ZNF346: variants seen among roughly 807,000 people sequenced by gnomAD.
The protein encoded by ZNF346 is zinc finger protein 346.
Under a neutral mutation model 33.7 loss-of-function variants are expected in ZNF346, and 23 were observed. That is an observed-to-expected ratio of 0.68 (90% CI 0.49 to 0.97). ZNF346 has a LOEUF of 0.97. Ranked by LOEUF, ZNF346 falls within the 50% of genes least tolerant of loss-of-function variation. The probability of loss-of-function intolerance (pLI) is 0.00; values close to 1 mark genes in which losing one functional copy is unlikely to be tolerated. For synonymous variants in ZNF346, 134 were observed against 142.4 expected (o/e 0.94, Z 0.42); for missense variants, 340 against 371.1 (o/e 0.92, Z 0.69).
In ZNF346 at chr5:177,022,794, C is replaced by G. The variant is rs559738008; in HGVS notation, c.56C>G (p.Pro19Arg). 27 of 1,546,518 alleles carry G rather than the reference C, an allele frequency of 1.7e-5. No individual in the cohort carries two copies. The African/African-American group carries it at 3.3e-4, about 19-fold the overall frequency. ...GCCGCGGACGGCGGAGCGGCCGGGC[C>G]TTACAGCAGCTCGGAGTTGCTGGAG... ...VQAADGGAAG[P>R]YSSSELLEGQ... Residue 19 changes from proline to arginine, a missense_variant, in exon 1 of 7, where the codon CCT (proline) becomes CGT (arginine). Pro to Arg is a moderately radical substitution (Grantham distance 103). Coordinates refer to ENST00000358149, the MANE Select transcript of ZNF346 (RefSeq NM_012279.4).
intron 5 of ZNF346, 121 bp from the exon 6 acceptor site, chr5:177,061,937 C>T: frequency 1.3e-6 from 1 of 796,792 alleles, no homozygotes; most frequent in South Asian, 1.6e-5. Flanking sequence ...TCATCAGGGC[C>T]AGCAACCTCA....
chr5:177,044,365 A>T (rs1779758449), intron 3 of ZNF346, 24 bp from the exon 4 acceptor site: 1 of 1,613,580 alleles, frequency 6.2e-7, no homozygotes, highest in African/African-American at 1.3e-5. Context: ...GTATGATCAG[A>T]CCTGTGTTCT....
At chr5:177,029,203 G>A (rs1344484133) in intron 1 of ZNF346, among the ~76,000 whole-genome samples, 6 of 152,102 alleles carry the variant, frequency 3.9e-5, no homozygotes, top group African/African-American at 1.2e-4. Context: ...ATTGATCACC[G>A]ATAGCCAGTG....
chr5:177,056,528 A>G (rs914733959), intron 5 of ZNF346, among the ~76,000 whole-genome samples: 5 of 152,240 alleles, frequency 3.3e-5, no homozygotes, highest in Admixed American at 6.5e-5. Context: ...ATGTCCATCA[A>G]TGATAGACTG....
intron 1 of ZNF346, among the ~76,000 whole-genome samples, chr5:177,031,560 A>G (rs1214049020): frequency 1.3e-5 from 2 of 151,978 alleles, no homozygotes; most frequent in Non-Finnish European, 2.9e-5. Flanking sequence ...ACAGTTTGTG[A>G]TGTGTCTAGG....
At chr5:177,034,346 A>G (rs116786869) in intron 1 of ZNF346, among the ~76,000 whole-genome samples, 2,187 of 151,578 alleles carry the variant, frequency 0.014, 51 homozygotes, top group Middle Eastern at 0.027. Flanking sequence ...ACCTCAGCCT[A>G]CCAAGTAGCT....
At position 177,040,892 on chromosome 5, in the gene ZNF346, G is replaced by A. The variant is rs376922513; in HGVS notation, c.176-234G>A. Among the ~76,000 whole-genome samples the A allele has an allele frequency of 1.8e-3, 269 of 152,178 alleles. 4 individuals are homozygous for A. Among genetic ancestry groups the A allele is most frequent in the South Asian group, 7.5e-3 (36 of 4,822 alleles). ...ATGATCTAAAGATTCCTTTTTAAAAGAAGTTCCTAAGTAAAGAAAGTTGGC... is the reference window on the plus strand; with the variant it reads ...ATGATCTAAAGATTCCTTTTTAAAAAAAGTTCCTAAGTAAAGAAAGTTGGC... On this transcript the variant is annotated intron_variant, in intron 1 of 6. Transcript: ENST00000358149.
chr5:177,068,677 G>T (rs764753400), downstream of ZNF346, among the ~76,000 whole-genome samples: 18 of 143,194 alleles, frequency 1.3e-4, 1 homozygote, highest in Non-Finnish European at 2.4e-4. Context: ...CCTGGGTCAT[G>T]TGCCTAAAGC....
intron 5 of ZNF346, among the ~76,000 whole-genome samples, chr5:177,061,479 G>C (rs1465830270): frequency 1.3e-5 from 2 of 152,050 alleles, no homozygotes; most frequent in Non-Finnish European, 2.9e-5. Context: ...AGAAAGGAAA[G>C]GATCTAGCTA....
rs1781540595 is a variant in ZNF346, at chr5:177,055,423, G to T, written c.703+4487G>T. Among the ~76,000 whole-genome samples the T allele has an allele frequency of 2.6e-5, 4 of 152,110 alleles. No homozygotes were observed. In the South Asian group the frequency reaches 8.3e-4, roughly 32 times the overall value. The stretch of plus-strand genomic sequence containing the variant: ...CTTGAGAAAGTTACTTCATAAATGT[G>T]TGGAAACTGGAAATTGACTCTATAT... On this transcript the variant is annotated intron_variant, in intron 5 of 6. Coordinates refer to ENST00000358149, the MANE Select transcript of ZNF346 (RefSeq NM_012279.4).
exon 9 of ZNF346, chr5:177,080,255 G>A (rs916383044): frequency 6.6e-6 from 1 of 152,268 alleles, no homozygotes; most frequent in Non-Finnish European, 1.5e-5. Context: ...CTGAGGAGGG[G>A]TCATTCTCAC....
intron 1 of ZNF346, among the ~76,000 whole-genome samples, chr5:177,028,521 T>TATATATATA (rs56006820): frequency 8.1e-5 from 11 of 135,884 alleles, no homozygotes; most frequent in East Asian, 2.1e-4. Context: ...TATATATATA[T>TATATATATA]TTCCCTCCAT....
chr5:177,043,185 G>C (rs1779588478), intron 3 of ZNF346, among the ~76,000 whole-genome samples: 1 of 151,998 alleles, frequency 6.6e-6, no homozygotes, highest in East Asian at 1.9e-4. Context: ...TTTTCGTAGA[G>C]ACAGGGTCTC....
chr5:177,059,297 G>A (rs1192735479), intron 5 of ZNF346, among the ~76,000 whole-genome samples: 1 of 152,166 alleles, frequency 6.6e-6, no homozygotes, highest in East Asian at 1.9e-4. Context: ...ACACTAAAGA[G>A]TGGCAGAGCC....
rs552518115 is a variant in ZNF346, at chr5:177,042,932, A to G, written c.372+1062A>G. Among the ~76,000 whole-genome samples, 367 of 151,940 alleles carry G rather than the reference A, an allele frequency of 2.4e-3. 2 individuals carry two copies. The highest frequency in any genetic ancestry group is 8.4e-3 in the African/African-American group (347 of 41,404). ...AGTGGCACGATCTCAGCTCACTGCAACCTCCACCTCCTGGGTTCAGGCGAT... is the reference window on the plus strand; with the variant it reads ...AGTGGCACGATCTCAGCTCACTGCAGCCTCCACCTCCTGGGTTCAGGCGAT... On this transcript the variant is annotated intron_variant, in intron 3 of 6. Transcript: ENST00000358149.
At chr5:177,026,139 G>A (rs1350434637) in intron 1 of ZNF346, among the ~76,000 whole-genome samples, 2 of 151,628 alleles carry the variant, frequency 1.3e-5, no homozygotes, top group African/African-American at 4.8e-5. Flanking sequence ...CGAGTAGCTG[G>A]GATTACAGGT....
chr5:177,026,063 T>C (rs957740258), intron 1 of ZNF346, among the ~76,000 whole-genome samples: 1 of 151,944 alleles, frequency 6.6e-6, no homozygotes, highest in African/African-American at 2.4e-5. Context: ...TGATCTCAGC[T>C]CACTGCAACC....
chr5:177,060,670 T>C (rs1341304642), intron 5 of ZNF346, among the ~76,000 whole-genome samples: 1 of 152,008 alleles, frequency 6.6e-6, no homozygotes, highest in Non-Finnish European at 1.5e-5. Context: ...AAATTAGGCA[T>C]GGTGGCACGC....
At chr5:177,047,340 G>GC (rs775708620) in intron 4 of ZNF346, among the ~76,000 whole-genome samples, 1 of 137,372 alleles carries the variant, frequency 7.3e-6, no homozygotes, top group East Asian at 2.1e-4. Context: ...TTTGTTTTTT[G>GC]TTTTTTTTTT....
Sources: gnomAD v4.1 joint callset for allele counts (sites outside exome capture counted in the v4.1 genomes callset) on GRCh38, gnomAD v4.1.1 for gene constraint, MANE v1.5 for transcripts, NCBI Gene and HGNC (gene_info 2026-07-23, HGNC 2026-07-21) for gene names.